The following ARHGAP24 variants were observed in gnomAD, a reference collection of about 807,000 sequenced individuals.
ARHGAP24 encodes Rho GTPase activating protein 24.
ARHGAP24 carries 50 observed loss-of-function variants against 76.4 expected under a neutral mutation model. The ratio of observed to expected loss-of-function variants is 0.65; its 90% CI spans 0.52 to 0.83. The LOEUF is 0.83. ARHGAP24 is among the 40% of genes least tolerant of loss of function. The pLI is 0.00. For missense variants in ARHGAP24, 930 were observed against 914.2 expected (o/e 1.02, Z -0.22); for synonymous variants, 345 against 323.3 (o/e 1.07, Z -0.72).
chr4:85,960,583 C>G (rs576658132), intron 5 of ARHGAP24, among the ~76,000 whole-genome samples: 1 of 152,046 alleles, frequency 6.6e-6, no homozygotes, highest in East Asian at 1.9e-4. Flanking sequence ...AATAAATATT[C>G]GATGAATAAG....
At chr4:85,657,696 A>G (rs527463114) in intron 2 of ARHGAP24, among the ~76,000 whole-genome samples, 1 of 152,328 alleles carries the variant, frequency 6.6e-6, no homozygotes, top group South Asian at 2.1e-4. Flanking sequence ...GCAAAATGCA[A>G]ACATTGCCGG....
chr4:85,985,405 C>G (rs541245572), intron 8 of ARHGAP24, among the ~76,000 whole-genome samples: 1 of 152,264 alleles, frequency 6.6e-6, no homozygotes, highest in South Asian at 2.1e-4. Flanking sequence ...ACCTCATGTT[C>G]TCACTTATAG....
chr4:85,592,637 A>G (rs1728164676), intron 2 of ARHGAP24, among the ~76,000 whole-genome samples: 1 of 152,066 alleles, frequency 6.6e-6, no homozygotes, highest in African/African-American at 2.4e-5. Flanking sequence ...TGACCCCACT[A>G]TCCTCCCCAG....
chr4:85,570,568 G>T lies in ARHGAP24; in HGVS notation c.27G>T (p.Glu9Asp), dbSNP rs932633205. 1 of 1,613,870 alleles carries T rather than the reference G, an allele frequency of 6.2e-7. No homozygotes were observed. Among genetic ancestry groups the T allele is most frequent in the East Asian group, 2.2e-5 (1 of 44,872 alleles). The stretch of plus-strand genomic sequence containing the variant: ...TGGAGGAGAACAATGACTCCACGGA[G>T]AACCCCCAACAAGGCCAAGGGCGGC... MEENNDSTENPQQGQGRQN... is the reference protein window; with the variant it reads MEENNDSTDNPQQGQGRQN... Residue 9 changes from glutamate (E) to aspartate (D), a missense_variant, in exon 2 of 10, where the codon GAG (glutamate) becomes GAT (aspartate). Coordinates refer to ENST00000395184, the MANE Select transcript of ARHGAP24 (RefSeq NM_001025616.3).
Position 85,656,803 on chromosome 4 carries a change from A to T in ARHGAP24, c.181-65082A>T, listed in dbSNP as rs199747012. ...TTTTAAGTAATCAGCTTTAAAAAAA[A>T]AATACAAGCATGATAATAATGATTT... is the stretch of plus-strand genomic sequence containing the variant. On this transcript the variant is annotated intron_variant, in intron 2 of 9. Transcript: ENST00000395184. Among the ~76,000 whole-genome samples the T allele has an allele frequency of 4.6e-5, 7 of 152,268 alleles. No homozygotes were observed. In the East Asian group the frequency reaches 1.2e-3, roughly 25 times the overall value.
chr4:85,594,635 G>T (rs998635434), intron 2 of ARHGAP24, among the ~76,000 whole-genome samples: 1 of 151,930 alleles, frequency 6.6e-6, no homozygotes, highest in African/African-American at 2.4e-5. Flanking sequence ...CTTACTTTCT[G>T]TCCATCTCTT....
intron 5 of ARHGAP24, among the ~76,000 whole-genome samples, chr4:85,970,358 T>G (rs541357803): frequency 6.6e-6 from 1 of 152,340 alleles, no homozygotes; most frequent in East Asian, 1.9e-4. Context: ...TTAGATAGTA[T>G]GCAATAATTT....
At chr4:85,941,253 A>G (rs1056051515) in intron 4 of ARHGAP24, among the ~76,000 whole-genome samples, 2 of 152,168 alleles carry the variant, frequency 1.3e-5, no homozygotes, top group African/African-American at 4.8e-5. Context: ...TGAGGGTGAA[A>G]TAGTGGCTGT....
chr4:85,475,571 G>GGTCGCGAGGAAGTGCGCGGAGCT lies in ARHGAP24; in HGVS notation c.-21+13_-21+35dup, dbSNP rs1722545090. The GGTCGCGAGGAAGTGCGCGGAGCT allele has an allele frequency of 6.6e-6, 1 of 151,562 alleles. No homozygotes were observed. Among genetic ancestry groups the GGTCGCGAGGAAGTGCGCGGAGCT allele is most frequent in the Non-Finnish European group, 1.5e-5 (1 of 67,824 alleles). The allele number at this position is 151,562 out of a possible 1,614,324, so 9.4% of individuals were successfully genotyped here. On this transcript the variant is annotated intron_variant, in intron 1 of 9. Coordinates refer to ENST00000395184, the MANE Select transcript of ARHGAP24 (RefSeq NM_001025616.3). The stretch of plus-strand genomic sequence containing the variant: ...GAGCTCCCAGCAAGGTAGGTGATGC[G>GGTCGCGAGGAAGTGCGCGGAGCT]GTCGCGAGGAAGTGCGCGGAGCTAC...
At chr4:85,925,931 C>T (rs1392476888) in intron 4 of ARHGAP24, among the ~76,000 whole-genome samples, 1 of 152,118 alleles carries the variant, frequency 6.6e-6, no homozygotes, top group South Asian at 2.1e-4. Context: ...TTCTGGAATT[C>T]CTGAGTTCAG....
intron 5 of ARHGAP24, among the ~76,000 whole-genome samples, chr4:85,947,571 T>TG (rs1226399579): frequency 2.6e-5 from 4 of 152,194 alleles, no homozygotes; most frequent in Non-Finnish European, 4.4e-5. Context: ...ATACCAAGTG[T>TG]TATTTCTCTG....
chr4:85,479,107 T>G (rs1448723747), intron 1 of ARHGAP24, among the ~76,000 whole-genome samples: 1 of 152,174 alleles, frequency 6.6e-6, no homozygotes, highest in African/African-American at 2.4e-5. Context: ...ATGAAGATAG[T>G]TATATCTCAG....
chr4:85,895,243 T>C (rs1398265682), intron 3 of ARHGAP24, among the ~76,000 whole-genome samples: 1 of 152,020 alleles, frequency 6.6e-6, no homozygotes, highest in African/African-American at 2.4e-5. Context: ...AGAAACAGAA[T>C]TGCTAAAGGA....
At chr4:85,965,359 G>T (rs1010313904) in intron 5 of ARHGAP24, among the ~76,000 whole-genome samples, 64 of 152,190 alleles carry the variant, frequency 4.2e-4, no homozygotes, top group Non-Finnish European at 3.1e-4. Flanking sequence ...CTCACACTGG[G>T]TCCCTCCCAC....
At chr4:85,738,367 T>TCTATTATTA (rs375728213) in intron 3 of ARHGAP24, among the ~76,000 whole-genome samples, 34 of 144,094 alleles carry the variant, frequency 2.4e-4, no homozygotes, top group African/African-American at 7.9e-4. Flanking sequence ...CATTTGGGCT[T>TCTATTATTA]TTATTATTAT....
intron 3 of ARHGAP24, among the ~76,000 whole-genome samples, chr4:85,792,150 T>A (rs1028299777): frequency 2.6e-5 from 4 of 151,914 alleles, no homozygotes; most frequent in African/African-American, 9.7e-5. Flanking sequence ...GGCTTTTTTT[T>A]AAATGAGCTT....
chr4:85,707,101 G>A (rs1724342900), intron 2 of ARHGAP24, among the ~76,000 whole-genome samples: 1 of 152,016 alleles, frequency 6.6e-6, no homozygotes, highest in African/African-American at 2.4e-5. Flanking sequence ...ATTTTTTGTG[G>A]AGGCACAGTC....
intron 2 of ARHGAP24, among the ~76,000 whole-genome samples, chr4:85,623,254 A>C (rs997407261): frequency 1.3e-5 from 2 of 152,134 alleles, no homozygotes; most frequent in Non-Finnish European, 2.9e-5. Context: ...TCTTTAATCC[A>C]TCTTGAATTA....
chr4:85,517,321 A>C (rs1328996302), intron 1 of ARHGAP24, among the ~76,000 whole-genome samples: 14 of 152,114 alleles, frequency 9.2e-5, no homozygotes, highest in Admixed American at 9.2e-4. Flanking sequence ...CATTTTAAGC[A>C]AGTAGAATTA....
Sources: gnomAD v4.1 joint callset for allele counts (sites outside exome capture counted in the v4.1 genomes callset) on GRCh38, gnomAD v4.1.1 for gene constraint, MANE v1.5 for transcripts, NCBI Gene and HGNC (gene_info 2026-07-23, HGNC 2026-07-21) for gene names.